The following WWTR1 variants were observed in gnomAD, a reference collection of about 807,000 sequenced individuals.
WWTR1 encodes the protein WW domain containing transcription regulator 1.
WWTR1 carries 13 observed loss-of-function variants against 40.1 expected under a neutral mutation model. That is an observed-to-expected ratio of 0.32 (90% CI 0.21 to 0.52). The LOEUF is 0.52. Ranked by LOEUF, WWTR1 falls within the 20% of genes least tolerant of loss-of-function variation. The pLI is 0.97. For missense variants in WWTR1, 436 were observed against 523.1 expected, an observed-to-expected ratio of 0.83 and a Z score of 1.63; for synonymous variants, 230 against 210.1, an observed-to-expected ratio of 1.09 and a Z score of -0.82.
intron 2 of WWTR1, among the ~76,000 whole-genome samples, chr3:149,633,171 T>C (rs1044996194): frequency 6.6e-6 from 1 of 152,178 alleles, no homozygotes; most frequent in African/African-American, 2.4e-5. Context: ...GGACCATGGC[T>C]TGAGGCCAAG....
intron 2 of WWTR1, among the ~76,000 whole-genome samples, chr3:149,630,330 T>C (rs1211212373): frequency 6.6e-6 from 1 of 152,174 alleles, no homozygotes; most frequent in Non-Finnish European, 1.5e-5. Flanking sequence ...TGCTTTGGCC[T>C]CCAGCTCTAG....
Position 149,672,807 on chromosome 3 carries a change from A to G in WWTR1, c.-107-2916T>C, listed in dbSNP as rs112332019. Reference sequence around the variant, plus strand: ...CTTTTTTTTTTTTTTTTTAAGAAATAGGGTCTCACTTGGTCACCCAAACTG... The same window carrying G: ...CTTTTTTTTTTTTTTTTTAAGAAATGGGGTCTCACTTGGTCACCCAAACTG... On this transcript the variant is annotated intron_variant, in intron 1 of 7. Coordinates refer to the WWTR1 transcript ENST00000465804. Among the ~76,000 whole-genome samples, 835 of 148,250 alleles carry G rather than the reference A, an allele frequency of 5.6e-3. 8 individuals are homozygous for G. The highest frequency in any genetic ancestry group is 0.019 in the African/African-American group (764 of 40,374).
At chr3:149,557,542 A>G (rs1428170484) in intron 3 of WWTR1, among the ~76,000 whole-genome samples, 1 of 152,114 alleles carries the variant, frequency 6.6e-6, no homozygotes, top group Non-Finnish European at 1.5e-5. Context: ...CCTATAACAG[A>G]GCATATTATC....
At chr3:149,637,420 G>C in intron 2 of WWTR1, among the ~76,000 whole-genome samples, 1 of 151,480 alleles carries the variant, frequency 6.6e-6, no homozygotes, top group Non-Finnish European at 1.5e-5. Flanking sequence ...TAGTAGAGAC[G>C]GGGTTTCACC....
rs968349447 is a variant in WWTR1, at chr3:149,518,364, T to G, written c.*2441A>C. On this transcript the variant is annotated 3_prime_UTR_variant, in exon 7 of 7. Transcript: ENST00000360632. ...AGAGGGGTATCTGTTTCTCTTACAT[T>G]TAATAACCTGAAAATGAGTCTATAA... 4 of 152,096 alleles carry G rather than the reference T, an allele frequency of 2.6e-5. No homozygotes were observed. The highest frequency in any genetic ancestry group is 5.9e-5 in the Non-Finnish European group (4 of 67,998). 9.4% of individuals were successfully genotyped at this position (152,096 alleles called of 1,614,324 possible).
At chr3:149,557,977 T>C (rs1161944500) in intron 3 of WWTR1, among the ~76,000 whole-genome samples, 3 of 142,026 alleles carry the variant, frequency 2.1e-5, no homozygotes, top group Non-Finnish European at 3.0e-5. Context: ...CACTCCAACC[T>C]GGGTGACAGA....
intron 1 of WWTR1, among the ~76,000 whole-genome samples, chr3:149,688,641 T>C (rs757581464): frequency 6.6e-6 from 1 of 152,212 alleles, no homozygotes; most frequent in Non-Finnish European, 1.5e-5. Context: ...CAATTTCCTT[T>C]GAGTACTTGG....
intron 1 of WWTR1, among the ~76,000 whole-genome samples, chr3:149,677,367 T>C (rs1218725491): frequency 6.6e-6 from 1 of 152,220 alleles, no homozygotes. Flanking sequence ...AATATTAAAG[T>C]AGTGATCCCA....
At chr3:149,648,383 G>A (rs566842511) in intron 2 of WWTR1, among the ~76,000 whole-genome samples, 29 of 152,022 alleles carry the variant, frequency 1.9e-4, no homozygotes, top group African/African-American at 5.3e-4. Flanking sequence ...GACAAACATC[G>A]TTCTTCCCCT....
chr3:149,657,409 G>C, intron 1 of WWTR1, 100 bp from the exon 2 acceptor site: 3 of 1,353,546 alleles, frequency 2.2e-6, no homozygotes, highest in African/African-American at 2.9e-5. Context: ...AAAGAATAGA[G>C]GGAAAAGGAA....
chr3:149,640,916 G>A (rs968044380), intron 2 of WWTR1, among the ~76,000 whole-genome samples: 5 of 152,054 alleles, frequency 3.3e-5, no homozygotes, highest in African/African-American at 1.2e-4. Context: ...TCTTTATTGT[G>A]ATGGCCTAGA....
Position 149,520,521 on chromosome 3 carries a change from A to G in WWTR1, c.*284T>C, listed in dbSNP as rs1241509098. ...TTAGCCATGGGGCAGCAGAGAAGAA[A>G]GAGAAAAGTATTCTGCATAATCAAT... On this transcript the variant is annotated 3_prime_UTR_variant, in exon 7 of 7. Coordinates refer to ENST00000360632, the MANE Select transcript of WWTR1 (RefSeq NM_015472.6). 4 of 265,024 alleles carry G rather than the reference A, an allele frequency of 1.5e-5. No homozygotes were observed. Among genetic ancestry groups the G allele is most frequent in the Admixed American group, 1.1e-4 (2 of 18,658 alleles). 16.4% of individuals were successfully genotyped at this position (265,024 alleles called of 1,614,324 possible). A position where few individuals can be genotyped will look rare whatever the true frequency, so the allele number is the denominator to read the frequency against.
At chr3:149,546,907 G>A (rs1212438438) in intron 3 of WWTR1, among the ~76,000 whole-genome samples, 3 of 152,108 alleles carry the variant, frequency 2.0e-5, no homozygotes, top group Non-Finnish European at 4.4e-5. Flanking sequence ...CATAAAACCG[G>A]TCGGTATCCT....
intron 4 of WWTR1, among the ~76,000 whole-genome samples, chr3:149,721,386 T>C (rs1715755076): frequency 6.6e-6 from 1 of 152,228 alleles, no homozygotes. Flanking sequence ...TTCATTCTGT[T>C]AATGTGGTGT....
rs896758394 is a variant in WWTR1, at chr3:149,519,199, T to A, written c.*1606A>T. On this transcript the variant is annotated 3_prime_UTR_variant, in exon 7 of 7. Coordinates refer to ENST00000360632, the MANE Select transcript of WWTR1 (RefSeq NM_015472.6). ...CAGACTGCATGCCAGTTGAACATGATGCTCTCTCAGTCCTTAAAAGCTAAT... is the reference window on the plus strand; with the variant it reads ...CAGACTGCATGCCAGTTGAACATGAAGCTCTCTCAGTCCTTAAAAGCTAAT... The A allele has an allele frequency of 4.7e-4, 72 of 152,336 alleles. No individual in the cohort carries two copies. Among genetic ancestry groups the A allele is most frequent in the African/African-American group, 1.7e-3 (71 of 41,574 alleles). The allele number at this position is 152,336 out of a possible 1,614,324, so 9.4% of individuals were successfully genotyped here. A position where few individuals can be genotyped will look rare whatever the true frequency, so the allele number is the denominator to read the frequency against.
At chr3:149,645,466 A>G (rs1286424498) in intron 2 of WWTR1, among the ~76,000 whole-genome samples, 2 of 152,324 alleles carry the variant, frequency 1.3e-5, no homozygotes, top group Non-Finnish European at 2.9e-5. Flanking sequence ...GCCACTGCTC[A>G]GCCCCTACTT....
intron 2 of WWTR1, among the ~76,000 whole-genome samples, chr3:149,633,746 G>A (rs1361898836): frequency 6.6e-6 from 1 of 152,112 alleles, no homozygotes; most frequent in Admixed American, 6.5e-5. Flanking sequence ...AACTGATGGA[G>A]GGTCAGGGAA....
intron 1 of WWTR1, chr3:149,701,520 C>A (rs575534117): frequency 5.5e-6 from 1 of 182,370 alleles, no homozygotes; most frequent in South Asian, 2.0e-4. Flanking sequence ...GGGGTGGAAA[C>A]TGGAGGGCAG....
intron 2 of WWTR1, among the ~76,000 whole-genome samples, chr3:149,599,648 C>T (rs1739157297): frequency 6.6e-6 from 1 of 152,158 alleles, no homozygotes; most frequent in Non-Finnish European, 1.5e-5. Flanking sequence ...AAGTGAAGAA[C>T]CTGCCAGCTT....
Sources: gnomAD v4.1 joint callset for allele counts (sites outside exome capture counted in the v4.1 genomes callset) on GRCh38, gnomAD v4.1.1 for gene constraint, MANE v1.5 for transcripts, NCBI Gene and HGNC (gene_info 2026-07-23, HGNC 2026-07-21) for gene names.